Variants in ENOX1 observed in about 807,000 individuals in gnomAD.
ENOX1 encodes ecto-NOX disulfide-thiol exchanger 1.
A neutral mutation model predicts 82.5 loss-of-function variants in ENOX1; 42 were observed. That is an observed-to-expected ratio of 0.51 (90% confidence interval 0.40 to 0.66). ENOX1 has a LOEUF of 0.66. Ranked by LOEUF, ENOX1 falls within the 30% of genes least tolerant of loss-of-function variation. ENOX1 has a pLI of 0.00. For synonymous variants in ENOX1, 271 were observed against 282.2 expected, an observed-to-expected ratio of 0.96 and a Z score of 0.40; for missense variants, 608 against 811.6, an observed-to-expected ratio of 0.75 and a Z score of 3.05.
chr13:43,302,431 C>T (rs2046632527), intron 11 of ENOX1, among the ~76,000 whole-genome samples: 1 of 152,070 alleles, frequency 6.6e-6, no homozygotes, highest in African/African-American at 2.4e-5. Flanking sequence ...CCAGCACAGT[C>T]ACCCATTTCT....
chr13:43,616,032 T>G (rs1378222306), intron 2 of ENOX1, among the ~76,000 whole-genome samples: 1 of 130,522 alleles, frequency 7.7e-6, no homozygotes, highest in Non-Finnish European at 1.6e-5. Flanking sequence ...TTTGCTATTG[T>G]GAACAGTGCT....
chr13:43,498,341 T>C (rs1263097617), intron 2 of ENOX1, among the ~76,000 whole-genome samples: 2 of 152,100 alleles, frequency 1.3e-5, no homozygotes, highest in Non-Finnish European at 2.9e-5. Flanking sequence ...TTGATATCTA[T>C]TACAGATGTG....
At chr13:43,453,107 G>A (rs2025300) in intron 3 of ENOX1, among the ~76,000 whole-genome samples, 61,491 of 151,818 alleles carry the variant, frequency 0.41, 13,404 homozygotes, top group Non-Finnish European at 0.5. Context: ...TCCTGTTCTG[G>A]CCTCATGACA....
chr13:43,711,803 T>G (rs1158949986), intron 1 of ENOX1, among the ~76,000 whole-genome samples: 1 of 151,368 alleles, frequency 6.6e-6, no homozygotes, highest in Non-Finnish European at 1.5e-5. Flanking sequence ...TGGAGTTCAT[T>G]GTAGATTCTG....
chr13:43,698,518 T>TA (rs1324674261), intron 1 of ENOX1, among the ~76,000 whole-genome samples: 2 of 152,170 alleles, frequency 1.3e-5, no homozygotes, highest in Non-Finnish European at 2.9e-5. Context: ...AGCTAAAACT[T>TA]AAACAATTAA....
At chr13:43,708,183 C>A (rs1437384774) in intron 1 of ENOX1, among the ~76,000 whole-genome samples, 1 of 152,168 alleles carries the variant, frequency 6.6e-6, no homozygotes, top group Non-Finnish European at 1.5e-5. Context: ...TGACCTTGCT[C>A]TAGGAACATT....
At chr13:43,512,511 A>G (rs2153676709) in intron 2 of ENOX1, among the ~76,000 whole-genome samples, 1 of 152,322 alleles carries the variant, frequency 6.6e-6, no homozygotes, top group East Asian at 1.9e-4. Flanking sequence ...AAAACTTGCC[A>G]GCACTATTCC....
At chr13:43,769,722 C>T (rs1411325230) in intron 1 of ENOX1, among the ~76,000 whole-genome samples, 1 of 152,198 alleles carries the variant, frequency 6.6e-6, no homozygotes, top group Non-Finnish European at 1.5e-5. Context: ...TTTCTCTTTG[C>T]CTTCCTCGTG....
chr13:43,528,073 T>C (rs2078056916), intron 2 of ENOX1, among the ~76,000 whole-genome samples: 1 of 152,154 alleles, frequency 6.6e-6, no homozygotes, highest in Non-Finnish European at 1.5e-5. Flanking sequence ...TTCACTTGTA[T>C]GTAGAAAAGA....
chr13:43,482,715 G>C lies in ENOX1; in HGVS notation c.-75+1294C>G, dbSNP rs564262695. On this transcript the variant is annotated intron_variant, in intron 3 of 16. Coordinates refer to ENST00000690772, the MANE Select transcript of ENOX1 (RefSeq NM_001347969.2). ...TGGGTATGAAGGTTTGAAAACAAATGGATTTTTATTGGTTTCAGACAGTTC... is the reference window on the plus strand; with the variant it reads ...TGGGTATGAAGGTTTGAAAACAAATCGATTTTTATTGGTTTCAGACAGTTC... Among the ~76,000 whole-genome samples the C allele has an allele frequency of 5.1e-4, 77 of 152,086 alleles. 1 individual carries two copies. Among genetic ancestry groups the C allele is most frequent in the Admixed American group, 4.5e-3 (69 of 15,284 alleles).
At chr13:43,502,435 T>C (rs1294822905) in intron 2 of ENOX1, among the ~76,000 whole-genome samples, 1 of 151,522 alleles carries the variant, frequency 6.6e-6, no homozygotes, top group African/African-American at 2.4e-5. Flanking sequence ...ATATCTCTGT[T>C]GAACATTAAT....
chr13:43,541,171 C>CTGTTTTTT (rs2078694582), intron 2 of ENOX1, among the ~76,000 whole-genome samples: 1 of 38,734 alleles, frequency 2.6e-5, no homozygotes, highest in African/African-American at 6.4e-5. Context: ...CTTCTTCCCT[C>CTGTTTTTT]TGTTTTTTTT....
Position 43,318,354 on chromosome 13 carries a change from C to CT in ENOX1, c.1261+4029dup, listed in dbSNP as rs1317483988. The stretch of plus-strand genomic sequence containing the variant: ...TCCCTAATATTTTTAACTGAAAACA[C>CT]TTTTTTCAAATGAGTCTTACACCCT... On this transcript the variant is annotated intron_variant, in intron 11 of 16. Coordinates refer to ENST00000690772, the MANE Select transcript of ENOX1 (RefSeq NM_001347969.2). Among the ~76,000 whole-genome samples the CT allele has an allele frequency of 2.0e-5, 3 of 152,148 alleles. No individual in the cohort carries two copies. The South Asian group carries it at 6.2e-4, about 31-fold the overall frequency.
At chr13:43,474,954 A>G (rs1046491748) in intron 3 of ENOX1, among the ~76,000 whole-genome samples, 53 of 152,270 alleles carry the variant, frequency 3.5e-4, no homozygotes, top group Non-Finnish European at 8.8e-5. Context: ...AGAAGGAGGT[A>G]AAGAAGTTGC....
chr13:43,468,521 G>A (rs1179420470), intron 3 of ENOX1, among the ~76,000 whole-genome samples: 2 of 151,826 alleles, frequency 1.3e-5, no homozygotes, highest in Non-Finnish European at 2.9e-5. Context: ...CAGGCGCAGT[G>A]GCTCACATCT....
At chr13:43,647,915 G>A (rs967461204) in intron 2 of ENOX1, among the ~76,000 whole-genome samples, 2 of 152,154 alleles carry the variant, frequency 1.3e-5, no homozygotes, top group African/African-American at 2.4e-5. Flanking sequence ...AGAAGGTCTC[G>A]ACCCACCATT....
intron 2 of ENOX1, among the ~76,000 whole-genome samples, chr13:43,628,165 C>A (rs1053515812): frequency 6.6e-5 from 10 of 152,066 alleles, no homozygotes; most frequent in African/African-American, 2.4e-4. Context: ...AATTTTCAGC[C>A]ATTATATCTT....
In ENOX1 at chr13:43,254,814, T is replaced by C. The variant is rs1593551085; in HGVS notation, c.1611+10584A>G. 3.3e-5 allele frequency among the ~76,000 whole-genome samples: 5 copies of C among 152,112 alleles called. No individual in the cohort carries two copies. In the South Asian group the frequency reaches 1.0e-3, roughly 32 times the overall value. ...AAATGCATACATTCCTGGACACATATAATCTACCAAGATTGAACCATGGAG... is the reference window on the plus strand; with the variant it reads ...AAATGCATACATTCCTGGACACATACAATCTACCAAGATTGAACCATGGAG... On this transcript the variant is annotated intron_variant, in intron 14 of 16. Coordinates refer to ENST00000690772, the MANE Select transcript of ENOX1 (RefSeq NM_001347969.2).
rs543595796 is a variant in ENOX1, at chr13:43,338,654, T to C, written c.1036+5884A>G. 4.7e-4 allele frequency among the ~76,000 whole-genome samples: 69 copies of C among 147,002 alleles called. 1 individual carries two copies. Among genetic ancestry groups the C allele is most frequent in the Admixed American group, 2.8e-3 (42 of 14,818 alleles). On this transcript the variant is annotated intron_variant, in intron 9 of 16. Coordinates refer to ENST00000690772, the MANE Select transcript of ENOX1 (RefSeq NM_001347969.2). ...CCTACACAGAAGTGAATGGATGCCA[T>C]ACTCCCCAAAATTCAGGTTGGGTTT...
Sources: allele counts gnomAD v4.1 joint callset (sites outside exome capture counted in the v4.1 genomes callset), GRCh38; gene constraint gnomAD v4.1.1; transcripts MANE v1.5; gene names NCBI Gene and HGNC (gene_info 2026-07-23, HGNC 2026-07-21).